TTC38: variants seen among roughly 807,000 people sequenced by gnomAD.
TTC38 encodes tetratricopeptide repeat protein 38.
Under a neutral mutation model 64.2 loss-of-function variants are expected in TTC38, and 64 were observed. That is an observed-to-expected ratio of 1.00 (90% CI 0.81 to 1.23). The LOEUF is 1.23. TTC38 is among the 50% of genes most tolerant of loss of function. The pLI is 0.00. For missense variants in TTC38, 573 were observed against 615.5 expected, an observed-to-expected ratio of 0.93 and a Z score of 0.73; for synonymous variants, 254 against 249.3, an observed-to-expected ratio of 1.02 and a Z score of -0.18.
chr22:46,287,180 C>T, intron 10 of TTC38, 26 bp downstream of exon 10: 1 of 1,571,558 alleles, frequency 6.4e-7, no homozygotes. Context: ...GCCCCACTGG[C>T]TTCTGCCTCT....
At chr22:46,268,794 C>T (rs1936823534) in intron 2 of TTC38, 4 of 521,864 alleles carry the variant, frequency 7.7e-6, no homozygotes, top group Non-Finnish European at 1.4e-5. Flanking sequence ...ACGCCATTCT[C>T]GTCCCTCAGC....
intron 8 of TTC38, among the ~76,000 whole-genome samples, chr22:46,284,447 AG>A (rs1337706220): frequency 6.6e-6 from 1 of 152,230 alleles, no homozygotes. Flanking sequence ...CACAAAAGCT[AG>A]AAGCTCCCTG....
rs1331649776 is a variant in TTC38, at chr22:46,276,809, A to T, written c.539+1388A>T. On this transcript the variant is annotated intron_variant, in intron 5 of 13. Coordinates refer to ENST00000381031, the MANE Select transcript of TTC38 (RefSeq NM_017931.4). This position sits in a 1 kb window ranked among gnomAD's most constrained non-coding sequence, Gnocchi z 4.7. Reference sequence around the variant, plus strand: ...AAATATATATTAAAAATTATATATTAAAATATATATATTAAATATATATAT... The same window carrying T: ...AAATATATATTAAAAATTATATATTTAAATATATATATTAAATATATATAT... Among the ~76,000 whole-genome samples, 1 of 139,070 alleles carries T rather than the reference A, an allele frequency of 7.2e-6. No individual in the cohort carries two copies. Among genetic ancestry groups the T allele is most frequent in the Non-Finnish European group, 1.5e-5 (1 of 66,146 alleles). The allele number at this position is 139,070 out of a possible 152,430, so 91.2% of individuals were successfully genotyped here.
rs1936944996 is a variant in TTC38, at chr22:46,273,712, T to G, written c.194-186T>G. ...TCAAGGGTGCCTTTAGGCTTGCAGTTCCCTCCATGCTTGACAAGAGCCGAG... is the reference window on the plus strand; with the variant it reads ...TCAAGGGTGCCTTTAGGCTTGCAGTGCCCTCCATGCTTGACAAGAGCCGAG... On this transcript the variant is annotated intron_variant, in intron 3 of 13. Transcript: ENST00000381031. The surrounding 1 kb of genome is among the most constrained non-coding windows in gnomAD (Gnocchi z 5.1). Among the ~76,000 whole-genome samples the G allele has an allele frequency of 6.6e-6, 1 of 152,170 alleles. No homozygotes were observed. The highest frequency in any genetic ancestry group is 2.4e-5 in the African/African-American group (1 of 41,434).
chr22:46,292,185 AT>A lies in TTC38; in HGVS notation c.1317-599del. On this transcript the variant is annotated intron_variant, in intron 13 of 13. Coordinates refer to ENST00000381031, the MANE Select transcript of TTC38 (RefSeq NM_017931.4). This position sits in a 1 kb window ranked among gnomAD's most constrained non-coding sequence, Gnocchi z 6.5. The stretch of plus-strand genomic sequence containing the variant: ...TCTCTTCTTTCTTCTTTCTTTTTAA[AT>A]TTTTTTATATTTTTAGAGGCAAGGT... 1 of 437,296 alleles carries A rather than the reference AT, an allele frequency of 2.3e-6. No individual in the cohort carries two copies. The highest frequency in any genetic ancestry group is 4.5e-6 in the Non-Finnish European group (1 of 221,618). The allele number at this position is 437,296 out of a possible 1,614,324, so 27.1% of individuals were successfully genotyped here. A position where few individuals can be genotyped will look rare whatever the true frequency, so the allele number is the denominator to read the frequency against.
At position 46,274,630 on chromosome 22, in the gene TTC38, CT is replaced by C. The variant is rs1006845451; in HGVS notation, c.365+562del. 2.6e-5 allele frequency among the ~76,000 whole-genome samples: 4 copies of C among 152,204 alleles called. No individual in the cohort carries two copies. Among genetic ancestry groups the C allele is most frequent in the Non-Finnish European group, 5.9e-5 (4 of 68,040 alleles). On this transcript the variant is annotated intron_variant, in intron 4 of 13. Coordinates refer to ENST00000381031, the MANE Select transcript of TTC38 (RefSeq NM_017931.4). This position sits in a 1 kb window ranked among gnomAD's most constrained non-coding sequence, Gnocchi z 4.8. ...AACCCTGAGACTGGGGAGGTGCGGC[CT>C]GGTCTTCCTGGTAAGTCAGCCCAGG...
Position 46,275,309 on chromosome 22 carries a change from T to C in TTC38, c.427T>C (p.Leu143=), listed in dbSNP as rs372278582. 3.5e-5 allele frequency: 57 copies of C among 1,614,056 alleles called. No homozygotes were observed. The highest frequency in any genetic ancestry group is 4.5e-5 in the Non-Finnish European group (53 of 1,180,038). Residue 143 remains leucine (L), a synonymous_variant, in exon 5 of 14, where the codon TTG becomes CTG. Transcript: ENST00000381031. This position sits in a 1 kb window ranked among gnomAD's most constrained non-coding sequence, Gnocchi z 4.5. ...QILQDHPTDM[L]ALKFSHDAYF... ...TCTCCAGGACCACCCGACAGACATG[T>C]TGGCCCTGAAATTTTCCCATGATGC...
At chr22:46,287,199 CA>C in intron 10 of TTC38, 45 bp downstream of exon 10, 1 of 1,514,698 alleles carries the variant, frequency 6.6e-7, no homozygotes, top group Non-Finnish European at 9.0e-7. Flanking sequence ...CTTCCTCCCA[CA>C]TCATGAGGAG....
At position 46,281,587 on chromosome 22, in the gene TTC38, C is replaced by T. The variant is rs1417259858; in HGVS notation, c.616-12C>T. ...GCTTTATCTGGAATCCTCTTCCCCG[C>T]ACCCTGCGTAGGCTTTATCTATTAA... On this transcript the variant is annotated splice_polypyrimidine_tract_variant and intron_variant, in intron 6 of 13. Transcript: ENST00000381031. The surrounding 1 kb of genome is among the most constrained non-coding windows in gnomAD (Gnocchi z 5.2). The T allele has an allele frequency of 4.3e-6, 7 of 1,613,980 alleles. No individual in the cohort carries two copies. The Middle Eastern group carries it at 4.9e-4, about 114-fold the overall frequency.
intron 11 of TTC38, 26 bp from the exon 12 acceptor site, chr22:46,289,376 C>A: frequency 6.2e-7 from 1 of 1,601,852 alleles, no homozygotes; most frequent in Non-Finnish European, 8.5e-7. Context: ...GGGCAGGCAG[C>A]TGAGGGCACC....
chr22:46,276,850 T>G lies in TTC38; in HGVS notation c.539+1429T>G, dbSNP rs908118942. Among the ~76,000 whole-genome samples, 2 of 143,772 alleles carry G rather than the reference T, an allele frequency of 1.4e-5. No individual in the cohort carries two copies. The highest frequency in any genetic ancestry group is 5.2e-5 in the African/African-American group (2 of 38,460). 94.3% of individuals were successfully genotyped at this position (143,772 alleles called of 152,430 possible). On this transcript the variant is annotated intron_variant, in intron 5 of 13. Transcript: ENST00000381031. This position sits in a 1 kb window ranked among gnomAD's most constrained non-coding sequence, Gnocchi z 4.7. ...ATATATATATATATATAAACATATA[T>G]ATATATAAAAAATACTTTCACCGCA...
At chr22:46,269,233 G>A in intron 2 of TTC38, 1 of 333,914 alleles carries the variant, frequency 3.0e-6, no homozygotes, top group Non-Finnish European at 6.2e-6. Flanking sequence ...GGCCTGCTGA[G>A]GGTCTGATGC....
Position 46,274,134 on chromosome 22 carries a change from C to CAGGAAAGGGATA in TTC38, c.365+65_365+66insAGGAAAGGGATA. 7.1e-7 allele frequency: 1 copy of CAGGAAAGGGATA among 1,414,310 alleles called. No homozygotes were observed. Among genetic ancestry groups the CAGGAAAGGGATA allele is most frequent in the Non-Finnish European group, 9.9e-7 (1 of 1,014,616 alleles). The allele number at this position is 1,414,310 out of a possible 1,614,324, so 87.6% of individuals were successfully genotyped here. A position where few individuals can be genotyped will look rare whatever the true frequency, so the allele number is the denominator to read the frequency against. Reference sequence around the variant, plus strand: ...CTGAGCTGGGGGAGTGGCAGGGTATCCCTTTCCTGATGCCCTTGGGACGGG... The same window carrying CAGGAAAGGGATA: ...CTGAGCTGGGGGAGTGGCAGGGTATCAGGAAAGGGATACCTTTCCTGATGCCCTTGGGACGGG... On this transcript the variant is annotated intron_variant, in intron 4 of 13. Coordinates refer to ENST00000381031, the MANE Select transcript of TTC38 (RefSeq NM_017931.4). The surrounding 1 kb of genome is among the most constrained non-coding windows in gnomAD (Gnocchi z 4.8).
At position 46,274,516 on chromosome 22, in the gene TTC38, C is replaced by T. The variant is rs559614348; in HGVS notation, c.365+447C>T. ...TTCCTATGCTGGTTCCCTCATTCTCCGGGACAGCCCCCATGTCTGCTCAGG... is the reference window on the plus strand; with the variant it reads ...TTCCTATGCTGGTTCCCTCATTCTCTGGGACAGCCCCCATGTCTGCTCAGG... On this transcript the variant is annotated intron_variant, in intron 4 of 13. Transcript: ENST00000381031. The surrounding 1 kb of genome is among the most constrained non-coding windows in gnomAD (Gnocchi z 4.8). Among the ~76,000 whole-genome samples the T allele has an allele frequency of 1.2e-4, 19 of 152,298 alleles. No individual in the cohort carries two copies. The highest frequency in any genetic ancestry group is 3.4e-4 in the African/African-American group (14 of 41,566).
chr22:46,274,126 C>A lies in TTC38; in HGVS notation c.365+57C>A. 1 of 1,431,616 alleles carries A rather than the reference C, an allele frequency of 7.0e-7. No individual in the cohort carries two copies. Among genetic ancestry groups the A allele is most frequent in the Non-Finnish European group, 9.7e-7 (1 of 1,027,106 alleles). 88.7% of individuals were successfully genotyped at this position (1,431,616 alleles called of 1,614,324 possible). On this transcript the variant is annotated intron_variant, in intron 4 of 13. Transcript: ENST00000381031. This position sits in a 1 kb window ranked among gnomAD's most constrained non-coding sequence, Gnocchi z 4.8. ...CCCTGAGGCTGAGCTGGGGGAGTGG[C>A]AGGGTATCCCTTTCCTGATGCCCTT...
chr22:46,289,939 A>G, intron 13 of TTC38, 40 bp downstream of exon 13: 1 of 1,576,602 alleles, frequency 6.3e-7, no homozygotes, highest in Non-Finnish European at 8.7e-7. Flanking sequence ...CGACCTTCAC[A>G]GGCTCTCCCT....
intron 2 of TTC38, among the ~76,000 whole-genome samples, chr22:46,269,973 T>C (rs895893768): frequency 5.3e-5 from 8 of 152,166 alleles, no homozygotes; most frequent in African/African-American, 9.7e-5. Flanking sequence ...TTTGTATCTT[T>C]AGTAGAGACG....
intron 9 of TTC38, among the ~76,000 whole-genome samples, chr22:46,286,414 A>G (rs2077571945): frequency 6.6e-6 from 1 of 152,154 alleles, no homozygotes; most frequent in South Asian, 2.1e-4. Flanking sequence ...TAATCCCAGC[A>G]TTTTGGGATG....
In TTC38 at chr22:46,275,565, C is replaced by T. The variant is rs1601869903; in HGVS notation, c.539+144C>T. 1.3e-6 allele frequency: 1 copy of T among 757,028 alleles called. No individual in the cohort carries two copies. Among genetic ancestry groups the T allele is most frequent in the African/African-American group, 1.8e-5 (1 of 56,524 alleles). The allele number at this position is 757,028 out of a possible 1,614,324, so 46.9% of individuals were successfully genotyped here. On this transcript the variant is annotated intron_variant, in intron 5 of 13. Transcript: ENST00000381031. The surrounding 1 kb of genome is among the most constrained non-coding windows in gnomAD (Gnocchi z 4.5). ...CTAGTTCCTTAAAGTTCAAAGGCCTCATTTTCTTCACTTGATTTTCATCCC... is the reference window on the plus strand; with the variant it reads ...CTAGTTCCTTAAAGTTCAAAGGCCTTATTTTCTTCACTTGATTTTCATCCC...
Sources: allele counts gnomAD v4.1 joint callset (sites outside exome capture counted in the v4.1 genomes callset), GRCh38; gene constraint gnomAD v4.1.1; non-coding constraint Gnocchi (gnomAD v3.1); transcripts MANE v1.5; gene names NCBI Gene and HGNC (gene_info 2026-07-23, HGNC 2026-07-21).